CRACDL: variants seen among roughly 807,000 people sequenced by gnomAD.
CRACDL encodes the protein CRACD like.
Under a neutral mutation model 70.6 loss-of-function variants are expected in CRACDL, and 26 were observed. The observed-to-expected ratio is 0.37, with a 90% CI of 0.27 to 0.51. The LOEUF (loss-of-function observed/expected upper bound fraction) is 0.51, where lower values mean the gene tolerates loss of function less well. Ranked by LOEUF, CRACDL falls within the 20% of genes least tolerant of loss-of-function variation. CRACDL has a pLI of 0.94. For synonymous variants in CRACDL, 618 were observed against 615.2 expected, an observed-to-expected ratio of 1.00 and a Z score of -0.07; for missense variants, 1,283 against 1,376.9, an observed-to-expected ratio of 0.93 and a Z score of 1.08.
chr2:98,870,154 A>G (rs1707291342), intron 1 of CRACDL, among the ~76,000 whole-genome samples: 1 of 152,178 alleles, frequency 6.6e-6, no homozygotes, highest in Non-Finnish European at 1.5e-5. Flanking sequence ...TGGCTTGCCA[A>G]CTGCAACCGG....
intron 5 of CRACDL, among the ~76,000 whole-genome samples, chr2:98,829,782 A>G (rs113374969): frequency 0.021 from 3,212 of 152,266 alleles, 121 homozygotes; most frequent in African/African-American, 0.073. Context: ...TCAGCCGCTG[A>G]GGAGTGGGCT....
chr2:98,927,126 C>T (rs1231343112), intron 1 of CRACDL, among the ~76,000 whole-genome samples: 3 of 152,220 alleles, frequency 2.0e-5, no homozygotes, highest in African/African-American at 7.2e-5. Flanking sequence ...CGTCAAGAGG[C>T]CCCACTATGG....
intron 1 of CRACDL, among the ~76,000 whole-genome samples, chr2:98,882,925 C>T (rs1707697520): frequency 6.6e-6 from 1 of 152,186 alleles, no homozygotes. Context: ...GGGATGACCC[C>T]TTTGTATCAG....
At chr2:98,861,164 T>C (rs780865594) in intron 1 of CRACDL, among the ~76,000 whole-genome samples, 2 of 152,162 alleles carry the variant, frequency 1.3e-5, no homozygotes, top group Admixed American at 6.5e-5. Flanking sequence ...CTGGCCAACA[T>C]GGTGAAACCC....
chr2:98,794,202 T>C lies in CRACDL; in HGVS notation c.*330A>G. The C allele has an allele frequency of 5.0e-6, 1 of 198,120 alleles. No homozygotes were observed. Among genetic ancestry groups the C allele is most frequent in the Non-Finnish European group, 1.0e-5 (1 of 97,344 alleles). The allele number at this position is 198,120 out of a possible 1,614,324, so 12.3% of individuals were successfully genotyped here. On this transcript the variant is annotated 3_prime_UTR_variant, in exon 10 of 10. Transcript: ENST00000397899. Reference sequence around the variant, plus strand: ...TTCTGGCCTTTGCTGGGTGTCCTATTTATGTGTCCAATTTCATTTCTATTT... The same window carrying C: ...TTCTGGCCTTTGCTGGGTGTCCTATCTATGTGTCCAATTTCATTTCTATTT...
At chr2:98,921,449 C>A (rs1348338861) in intron 1 of CRACDL, among the ~76,000 whole-genome samples, 1 of 152,256 alleles carries the variant, frequency 6.6e-6, no homozygotes, top group Non-Finnish European at 1.5e-5. Context: ...TCGGAAGGCT[C>A]TTGACATGTA....
At chr2:98,795,077 A>ATATATATATATATATATATATTTTTT in intron 9 of CRACDL, among the ~76,000 whole-genome samples, 1 of 58,508 alleles carries the variant, frequency 1.7e-5, no homozygotes, top group African/African-American at 6.6e-5. Context: ...ATATATATAT[A>ATATATATATATATATATATATTTTTT]TTTTTTTTTT....
intron 1 of CRACDL, among the ~76,000 whole-genome samples, chr2:98,877,764 A>T (rs1300862655): frequency 3.3e-5 from 5 of 151,998 alleles, no homozygotes; most frequent in Non-Finnish European, 7.4e-5. Flanking sequence ...TAATAAAAAA[A>T]TTTAAAATAA....
chr2:98,869,356 C>T (rs1223273072), intron 1 of CRACDL: 2 of 1,052,096 alleles, frequency 1.9e-6, no homozygotes, highest in East Asian at 1.3e-4. Flanking sequence ...CACAGGCACA[C>T]AGCAGAAAAG....
Position 98,822,638 on chromosome 2 carries a change from G to A in CRACDL, c.1635C>T (p.Ala545=), listed in dbSNP as rs915274078. ...TCTCGGCGCCCGCCGGTGGCGCCTC[G>A]GCTCGCTCGGCCTTGGGGCGCTCCG... ...AAPERPKAER[A]EAPPAGAERA... is the part of the protein sequence containing the mutation. The change falls in exon 7 of 10, where the codon GCC becomes GCT. Residue 545 remains alanine, a synonymous_variant. Coordinates refer to ENST00000397899, the MANE Select transcript of CRACDL (RefSeq NM_207362.3). The surrounding 1 kb of genome is among the most constrained non-coding windows in gnomAD (Gnocchi z 4.9). 7.3e-7 allele frequency: 1 copy of A among 1,363,734 alleles called. No individual in the cohort carries two copies. Among genetic ancestry groups the A allele is most frequent in the Non-Finnish European group, 9.4e-7 (1 of 1,067,998 alleles). 84.5% of individuals were successfully genotyped at this position (1,363,734 alleles called of 1,614,324 possible). A position where few individuals can be genotyped will look rare whatever the true frequency, so the allele number is the denominator to read the frequency against.
intron 1 of CRACDL, among the ~76,000 whole-genome samples, chr2:98,864,013 C>T (rs1016390065): frequency 3.9e-5 from 6 of 152,116 alleles, no homozygotes; most frequent in South Asian, 2.1e-4. Context: ...ACAATCTGAA[C>T]GCACTTAATA....
intron 7 of CRACDL, among the ~76,000 whole-genome samples, chr2:98,819,121 T>C (rs935995857): frequency 1.3e-5 from 2 of 152,210 alleles, no homozygotes; most frequent in African/African-American, 4.8e-5. Flanking sequence ...AAAAAAATAC[T>C]CTATTACATT....
At chr2:98,932,173 C>A (rs1339939214) in intron 1 of CRACDL, among the ~76,000 whole-genome samples, 1 of 152,176 alleles carries the variant, frequency 6.6e-6, no homozygotes, top group African/African-American at 2.4e-5. Flanking sequence ...CCGGTGTTTG[C>A]AGGTATCTAG....
chr2:98,867,102 C>A lies in CRACDL; in HGVS notation c.-10-20292G>T, dbSNP rs188352705. ...CAGTGAGGGCATCTAGAGAGAATGG[C>A]AGGCCACAACTTGCTGGGCTGCTTC... On this transcript the variant is annotated intron_variant, in intron 1 of 9. Transcript: ENST00000397899. Among the ~76,000 whole-genome samples the A allele has an allele frequency of 1.3e-3, 201 of 152,280 alleles. 1 individual carries two copies. The highest frequency in any genetic ancestry group is 4.7e-3 in the African/African-American group (197 of 41,542).
chr2:98,881,656 T>C (rs1707654399), intron 1 of CRACDL, among the ~76,000 whole-genome samples: 1 of 152,128 alleles, frequency 6.6e-6, no homozygotes. Context: ...TGGGGCGCCA[T>C]GTATATGCAA....
At chr2:98,871,073 T>C (rs1175878754) in intron 1 of CRACDL, among the ~76,000 whole-genome samples, 1 of 152,210 alleles carries the variant, frequency 6.6e-6, no homozygotes, top group African/African-American at 2.4e-5. Context: ...CACAGCACGG[T>C]GCACACATGT....
rs193000947 is a variant in CRACDL at position 98,798,068 on chromosome 2, G to A, written c.2417-531C>T. Among the ~76,000 whole-genome samples the A allele has an allele frequency of 1.1e-3, 170 of 152,324 alleles. 2 individuals carry two copies. Among genetic ancestry groups the A allele is most frequent in the African/African-American group, 4.0e-3 (165 of 41,578 alleles). On this transcript the variant is annotated intron_variant, in intron 7 of 9. Transcript: ENST00000397899. The stretch of plus-strand genomic sequence containing the variant: ...TTTGAAACCATATAGAGTTGGCCGG[G>A]TGCGGTGGCGCATGCCTGTAATCCC...
At chr2:98,898,308 CAGAG>C (rs759005372) in intron 1 of CRACDL, among the ~76,000 whole-genome samples, 2 of 152,224 alleles carry the variant, frequency 1.3e-5, no homozygotes, top group African/African-American at 4.8e-5. Flanking sequence ...GTGGGGGCCT[CAGAG>C]AGGTCACCTC....
In CRACDL at chr2:98,827,044, A is replaced by G. The variant is rs761363667; in HGVS notation, c.666T>C (p.Ser222=). The G allele has an allele frequency of 6.2e-7, 1 of 1,614,148 alleles. No individual in the cohort carries two copies. Residue 222 remains serine, a synonymous_variant, in exon 6 of 10, where the codon TCT becomes TCC. Transcript: ENST00000397899. ...TGACCTGGAGCTTGTGCTTAGCTGCAGAGTTGTCCAGGCAGGAGGAGGATT... is the reference window on the plus strand; with the variant it reads ...TGACCTGGAGCTTGTGCTTAGCTGCGGAGTTGTCCAGGCAGGAGGAGGATT... ...PAESSSCLDN[S]AAKHKLQVKP... is the part of the protein sequence containing the mutation.
Sources: allele counts gnomAD v4.1 joint callset (sites outside exome capture counted in the v4.1 genomes callset), GRCh38; gene constraint gnomAD v4.1.1; non-coding constraint Gnocchi (gnomAD v3.1); transcripts MANE v1.5; gene names NCBI Gene and HGNC (gene_info 2026-07-23, HGNC 2026-07-21).